Variants in CSMD1 observed in about 807,000 individuals in gnomAD.
CSMD1 encodes CUB and sushi domain-containing protein 1.
Under a neutral mutation model 417.5 loss-of-function variants are expected in CSMD1, and 213 were observed. That is an observed-to-expected ratio of 0.51 (90% CI 0.46 to 0.57). The LOEUF (loss-of-function observed/expected upper bound fraction) is 0.57, where lower values mean the gene tolerates loss of function less well. Ranked by LOEUF, CSMD1 falls within the 20% of genes least tolerant of loss-of-function variation. The probability of loss-of-function intolerance (pLI) is 0.00; values close to 1 mark genes in which losing one functional copy is unlikely to be tolerated. For missense variants in CSMD1, 6,923 were observed against 4,529.7 expected (o/e 1.53, Z -15.17); for synonymous variants, 2,862 against 1,736.8 (o/e 1.65, Z -16.11).
intron 1 of CSMD1, among the ~76,000 whole-genome samples, chr8:4,749,363 G>T (rs557765130): frequency 1.3e-5 from 2 of 152,338 alleles, no homozygotes; most frequent in South Asian, 4.1e-4. Flanking sequence ...TAAATGTTCA[G>T]CATAGTTGCT....
At chr8:3,677,230 A>G (rs1182645848) in intron 7 of CSMD1, among the ~76,000 whole-genome samples, 1 of 152,222 alleles carries the variant, frequency 6.6e-6, no homozygotes, top group African/African-American at 2.4e-5. Flanking sequence ...AACACCGCTT[A>G]AAAGTCCAAG....
At chr8:3,204,874 G>T (rs1585647506) in intron 31 of CSMD1, among the ~76,000 whole-genome samples, 1 of 152,188 alleles carries the variant, frequency 6.6e-6, no homozygotes, top group Admixed American at 6.5e-5. Context: ...AAGATAAATT[G>T]TCCTGGTCAA....
intron 11 of CSMD1, among the ~76,000 whole-genome samples, chr8:3,476,746 C>A (rs890492389): frequency 2.3e-4 from 35 of 151,798 alleles, no homozygotes; most frequent in African/African-American, 8.5e-4. Flanking sequence ...GATCAAACTC[C>A]ATCTCTACTA....
intron 3 of CSMD1, among the ~76,000 whole-genome samples, chr8:4,172,585 G>C (rs1006277505): frequency 3.3e-5 from 5 of 152,074 alleles, no homozygotes; most frequent in African/African-American, 1.2e-4. Flanking sequence ...TGTATATATG[G>C]TAAGGAACAT....
chr8:3,794,185 G>C (rs1239495683), intron 5 of CSMD1, among the ~76,000 whole-genome samples: 2 of 152,174 alleles, frequency 1.3e-5, no homozygotes, highest in South Asian at 2.1e-4. Flanking sequence ...CTCAAAGCTT[G>C]AGAAGCACTG....
At chr8:3,748,387 G>A (rs538804907) in intron 6 of CSMD1, among the ~76,000 whole-genome samples, 2 of 152,202 alleles carry the variant, frequency 1.3e-5, no homozygotes, top group South Asian at 2.1e-4. Context: ...AGATAGCAAG[G>A]GAGGTCCACT....
At chr8:3,757,944 T>TA (rs888178939) in intron 5 of CSMD1, among the ~76,000 whole-genome samples, 4 of 151,966 alleles carry the variant, frequency 2.6e-5, no homozygotes, top group African/African-American at 4.8e-5. Context: ...AATTCAGGTT[T>TA]AAAAAAAATG....
In CSMD1 at chr8:3,351,478, G is replaced by A. The variant is rs578215859; in HGVS notation, c.3305-3317C>T. 3.5e-3 allele frequency among the ~76,000 whole-genome samples: 525 copies of A among 151,684 alleles called. 3 individuals carry two copies. Among genetic ancestry groups the A allele is most frequent in the Non-Finnish European group, 5.3e-3 (358 of 67,928 alleles). On this transcript the variant is annotated intron_variant, in intron 21 of 69. Transcript: ENST00000635120. ...ATACAAAAATTAGCTAGGCGTGGTG[G>A]CACATGCCTGTAATCCCAGCTACTT... is the stretch of plus-strand genomic sequence containing the variant.
In CSMD1 at chr8:3,575,005, C is replaced by G. The variant is rs372720663; in HGVS notation, c.1284G>C (p.Pro428=). 1.9e-6 allele frequency: 3 copies of G among 1,613,274 alleles called. No individual in the cohort carries two copies. Among genetic ancestry groups the G allele is most frequent in the South Asian group, 1.1e-5 (1 of 91,048 alleles). ...PSGVITSPNY[P]VQYEDNAHCV... is the part of the protein sequence containing the mutation. ...AGTGTGCATTATCTTCATACTGAACCGGATAATTAGGGGAGGTAATGACGC... is the reference window on the plus strand; with the variant it reads ...AGTGTGCATTATCTTCATACTGAACGGGATAATTAGGGGAGGTAATGACGC... The change falls in exon 10 of 70, where the codon CCG becomes CCC. Residue 428 remains proline, a synonymous_variant. Coordinates refer to ENST00000635120, the MANE Select transcript of CSMD1 (RefSeq NM_033225.6).
chr8:3,483,169 C>A (rs146530248), intron 11 of CSMD1, among the ~76,000 whole-genome samples: 2 of 151,700 alleles, frequency 1.3e-5, no homozygotes, highest in African/African-American at 4.8e-5. Flanking sequence ...GAAAAAATAA[C>A]GAAACAAATA....
chr8:3,499,582 T>A (rs1400235271), intron 10 of CSMD1, among the ~76,000 whole-genome samples: 1 of 151,880 alleles, frequency 6.6e-6, no homozygotes, highest in Non-Finnish European at 1.5e-5. Context: ...CCAGGGTGCT[T>A]GTTGGTAGTG....
intron 5 of CSMD1, among the ~76,000 whole-genome samples, chr8:3,785,722 G>C (rs4518696): frequency 0.068 from 10,410 of 152,234 alleles, 374 homozygotes; most frequent in Middle Eastern, 0.11. Flanking sequence ...AGAAGTGAGA[G>C]GCCCAGGGTG....
At chr8:3,930,631 A>G (rs1260080742) in intron 5 of CSMD1, among the ~76,000 whole-genome samples, 2 of 150,212 alleles carry the variant, frequency 1.3e-5, no homozygotes, top group African/African-American at 2.5e-5. Flanking sequence ...GTGTCAGGTT[A>G]TAAGTGACCC....
intron 5 of CSMD1, among the ~76,000 whole-genome samples, chr8:3,828,509 C>G (rs538826127): frequency 1.1e-4 from 16 of 152,272 alleles, no homozygotes; most frequent in African/African-American, 3.6e-4. Flanking sequence ...TTCCCAAACA[C>G]TAGTTATCTA....
chr8:3,884,476 C>G (rs899991730), intron 5 of CSMD1, among the ~76,000 whole-genome samples: 1 of 152,100 alleles, frequency 6.6e-6, no homozygotes, highest in Non-Finnish European at 1.5e-5. Context: ...TGAGCAGGGC[C>G]CCGCAGTAGC....
At chr8:3,556,392 A>AATATATATATATATATATATATATATAT (rs367650533) in intron 10 of CSMD1, among the ~76,000 whole-genome samples, 1 of 120,448 alleles carries the variant, frequency 8.3e-6, no homozygotes, top group African/African-American at 3.3e-5. Flanking sequence ...TATAATAATT[A>AATATATATATATATATATATATATATAT]ATATATATAT....
At chr8:4,772,238 C>G (rs1246896753) in intron 1 of CSMD1, among the ~76,000 whole-genome samples, 1 of 152,168 alleles carries the variant, frequency 6.6e-6, no homozygotes, top group Non-Finnish European at 1.5e-5. Flanking sequence ...CTCCTCAAAT[C>G]CTCACACTCC....
chr8:4,209,520 A>T (rs752213593), intron 3 of CSMD1, among the ~76,000 whole-genome samples: 2 of 152,132 alleles, frequency 1.3e-5, no homozygotes, highest in Admixed American at 6.5e-5. Context: ...CCTCTCTGGG[A>T]AACAGGAGCC....
intron 12 of CSMD1, among the ~76,000 whole-genome samples, chr8:3,447,602 C>G (rs1815382185): frequency 6.6e-6 from 1 of 152,124 alleles, no homozygotes. Flanking sequence ...AGGATTAGCC[C>G]CTGCACATGT....
Sources: gnomAD v4.1 joint callset for allele counts (sites outside exome capture counted in the v4.1 genomes callset) on GRCh38, gnomAD v4.1.1 for gene constraint, MANE v1.5 for transcripts, NCBI Gene and HGNC (gene_info 2026-07-23, HGNC 2026-07-21) for gene names.